TFAP2A: variants seen among roughly 807,000 people sequenced by gnomAD.
TFAP2A encodes the protein transcription factor AP-2-alpha.
A neutral mutation model predicts 41.5 loss-of-function variants in TFAP2A; 7 were observed. The ratio of observed to expected loss-of-function variants is 0.17; its 90% CI spans 0.10 to 0.32. The LOEUF (loss-of-function observed/expected upper bound fraction) is 0.32, where lower values mean the gene tolerates loss of function less well. Ranked by LOEUF, TFAP2A falls within the 10% of genes least tolerant of loss-of-function variation. The probability of loss-of-function intolerance (pLI) is 1.00; values close to 1 mark genes in which losing one functional copy is unlikely to be tolerated. For missense variants in TFAP2A, 416 were observed against 563.3 expected, an observed-to-expected ratio of 0.74 and a Z score of 2.65; for synonymous variants, 247 against 242.8, an observed-to-expected ratio of 1.02 and a Z score of -0.16.
upstream of TFAP2A, among the ~76,000 whole-genome samples, chr6:10,417,836 C>G (rs1758301136): frequency 6.6e-6 from 1 of 152,162 alleles, no homozygotes; most frequent in Non-Finnish European, 1.5e-5. Flanking sequence ...GCCAGGCCCG[C>G]GGCTCCCTCC....
upstream of TFAP2A, among the ~76,000 whole-genome samples, chr6:10,418,929 G>A (rs1758335424): frequency 6.6e-6 from 1 of 152,010 alleles, no homozygotes; most frequent in South Asian, 2.1e-4. Context: ...CCCGAAATCT[G>A]GGGGTACCAA....
upstream of TFAP2A, chr6:10,415,649 C>G (rs976754679): frequency 6.4e-6 from 1 of 156,636 alleles, no homozygotes; most frequent in African/African-American, 2.4e-5. Flanking sequence ...ACGATCCGAG[C>G]TGCCCTTTTG....
Position 10,410,437 on chromosome 6 carries a change from G to A in TFAP2A, c.52-102C>T, listed in dbSNP as rs560764943. The A allele has an allele frequency of 4.8e-6, 6 of 1,246,386 alleles. No individual in the cohort carries two copies. In the Admixed American group the frequency reaches 7.9e-5, roughly 16 times the overall value. The allele number at this position is 1,246,386 out of a possible 1,614,324, so 77.2% of individuals were successfully genotyped here. A position where few individuals can be genotyped will look rare whatever the true frequency, so the allele number is the denominator to read the frequency against. On this transcript the variant is annotated intron_variant, in intron 1 of 6. Coordinates refer to ENST00000379613, the MANE Select transcript of TFAP2A (RefSeq NM_001372066.1). ...GACAAGTCTGCGTGGGAAATCGCCC[G>A]TTCCCGTTGGCTGGCCGCCGGGAAA...
rs1352846328 is a variant in TFAP2A, at chr6:10,402,307, G to A, written c.889+185C>T. On this transcript the variant is annotated intron_variant, in intron 5 of 6. Transcript: ENST00000379613. ...GTAGAGGAAAAGAAGGAAGAAGGAT[G>A]GAGGTATAGGAGTACATGCAAATGT... is the stretch of plus-strand genomic sequence containing the variant. The A allele has an allele frequency of 1.9e-5, 13 of 682,268 alleles. No individual in the cohort carries two copies. The East Asian group carries it at 3.5e-4, about 18-fold the overall frequency. The allele number at this position is 682,268 out of a possible 1,614,324, so 42.3% of individuals were successfully genotyped here. A position where few individuals can be genotyped will look rare whatever the true frequency, so the allele number is the denominator to read the frequency against.
chr6:10,419,178 C>T (rs1234380104), upstream of TFAP2A, among the ~76,000 whole-genome samples: 1 of 152,196 alleles, frequency 6.6e-6, no homozygotes, highest in Non-Finnish European at 1.5e-5. Context: ...GTGCGCCGGA[C>T]TTCCCCGGCG....
At chr6:10,401,089 A>G (rs1235825300) in intron 5 of TFAP2A, among the ~76,000 whole-genome samples, 1 of 152,152 alleles carries the variant, frequency 6.6e-6, no homozygotes, top group Non-Finnish European at 1.5e-5. Flanking sequence ...TGATTTTCGA[A>G]TCTTTGGTTT....
chr6:10,418,811 T>A (rs1758331606), upstream of TFAP2A: 1 of 153,056 alleles, frequency 6.5e-6, no homozygotes, highest in African/African-American at 2.4e-5. Context: ...GGAAGTGGAG[T>A]GAGTTGCTAG....
rs536878759 is a variant in TFAP2A at position 10,398,174 on chromosome 6, G to A, written c.*243C>T. The A allele has an allele frequency of 2.8e-6, 4 of 1,439,550 alleles. No homozygotes were observed. Among genetic ancestry groups the A allele is most frequent in the Admixed American group, 5.4e-5 (2 of 37,370 alleles). The allele number at this position is 1,439,550 out of a possible 1,614,324, so 89.2% of individuals were successfully genotyped here. A position where few individuals can be genotyped will look rare whatever the true frequency, so the allele number is the denominator to read the frequency against. On this transcript the variant is annotated 3_prime_UTR_variant, in exon 7 of 7. Coordinates refer to ENST00000379613, the MANE Select transcript of TFAP2A (RefSeq NM_001372066.1). The surrounding 1 kb of genome is among the most constrained non-coding windows in gnomAD (Gnocchi z 5.3). ...TCTTAGGCTCCACATGAGGGCACAG[G>A]GGTGTGGGAGCGGGTGGGGAGGTCG...
At chr6:10,419,382 C>T (rs1320136676), upstream of TFAP2A, 2 of 1,606,654 alleles carry the variant, frequency 1.2e-6, no homozygotes, top group East Asian at 2.2e-5. Context: ...TCCACCCCTG[C>T]CCACCTCAAC....
rs373225660 is a variant in TFAP2A, at chr6:10,400,440, T to C, written c.1031+8A>G. 43 of 1,614,214 alleles carry C rather than the reference T, an allele frequency of 2.7e-5. No homozygotes were observed. In the African/African-American group the frequency reaches 3.6e-4, roughly 14 times the overall value. ...GACACAGAGACCCCATAGAGGTAAA[T>C]GCCTTACTTTGTAGCCAGGAGCATG... is the stretch of plus-strand genomic sequence containing the variant. On this transcript the variant is annotated splice_region_variant and intron_variant, in intron 6 of 6. Coordinates refer to ENST00000379613, the MANE Select transcript of TFAP2A (RefSeq NM_001372066.1).
intron 2 of TFAP2A, among the ~76,000 whole-genome samples, chr6:10,408,916 C>G (rs1757830889): frequency 6.6e-6 from 1 of 152,178 alleles, no homozygotes; most frequent in Non-Finnish European, 1.5e-5. Context: ...TTTGAAATAG[C>G]ATTTTAGTAA....
chr6:10,411,678 C>T, intron 1 of TFAP2A: 1 of 1,605,888 alleles, frequency 6.2e-7, no homozygotes, highest in Non-Finnish European at 8.5e-7. Flanking sequence ...CGCCCGAGCG[C>T]GCCCCACACA....
intron 1 of TFAP2A, chr6:10,412,145 GGGAGTCTCAGTGTAGCAAATC>G: frequency 1.0e-6 from 1 of 991,258 alleles, no homozygotes; most frequent in Non-Finnish European, 1.2e-6. Flanking sequence ...GTCCATTGAC[GGGAGTCTCAGTGTAGCAAATC>G]GGAGTGGGGA....
rs1437422611 is a variant in TFAP2A, at chr6:10,398,794, A to G, written c.1032-89T>C. 2 of 1,471,926 alleles carry G rather than the reference A, an allele frequency of 1.4e-6. No homozygotes were observed. Among genetic ancestry groups the G allele is most frequent in the Admixed American group, 3.7e-5 (2 of 53,662 alleles). The allele number at this position is 1,471,926 out of a possible 1,614,324, so 91.2% of individuals were successfully genotyped here. On this transcript the variant is annotated intron_variant, in intron 6 of 6. Transcript: ENST00000379613. The surrounding 1 kb of genome is among the most constrained non-coding windows in gnomAD (Gnocchi z 5.3). ...AGAGAAAACCTCCCTCCCTGCAGCT[A>G]CCTCTGCCGGGATCCAGCCGGTACC...
chr6:10,403,958 C>A (rs112817903), intron 4 of TFAP2A, among the ~76,000 whole-genome samples: 5,061 of 152,250 alleles, frequency 0.033, 299 homozygotes, highest in African/African-American at 0.12. Context: ...TGACAGCGAC[C>A]GGAAAGCATG....
chr6:10,412,267 G>A (rs1396513657), intron 1 of TFAP2A: 1 of 987,718 alleles, frequency 1.0e-6, no homozygotes, highest in Non-Finnish European at 1.2e-6. Flanking sequence ...TCACAGGGAA[G>A]GGGCAACATT....
In TFAP2A at chr6:10,406,649, C is replaced by A. The variant is rs1217582758; in HGVS notation, c.538+144G>T. 25 of 725,646 alleles carry A rather than the reference C, an allele frequency of 3.4e-5. No homozygotes were observed. In the East Asian group the frequency reaches 6.6e-4, roughly 19 times the overall value. The allele number at this position is 725,646 out of a possible 1,614,324, so 45.0% of individuals were successfully genotyped here. A position where few individuals can be genotyped will look rare whatever the true frequency, so the allele number is the denominator to read the frequency against. On this transcript the variant is annotated intron_variant, in intron 3 of 6. Transcript: ENST00000379613. ...ACATACTGAAGGCTGATTATTTAAG[C>A]ATTGCTGTTCTGTGCCTATCTATTT...
At chr6:10,400,713 G>T (rs764082811) in intron 5 of TFAP2A, 124 bp from the exon 6 acceptor site, 4 of 1,155,672 alleles carry the variant, frequency 3.5e-6, no homozygotes, top group Non-Finnish European at 5.1e-6. Context: ...CAAACTACTT[G>T]TTTTCTCATT....
chr6:10,419,490 T>G (rs751456302), upstream of TFAP2A: 5 of 1,613,850 alleles, frequency 3.1e-6, no homozygotes, highest in Admixed American at 8.3e-5. Flanking sequence ...CCGCCGGGCA[T>G]GGGCTGGAGG....
Sources: gnomAD v4.1 joint callset for allele counts (sites outside exome capture counted in the v4.1 genomes callset) on GRCh38, gnomAD v4.1.1 for gene constraint, Gnocchi (gnomAD v3.1) non-coding constraint, MANE v1.5 for transcripts, NCBI Gene and HGNC (gene_info 2026-07-23, HGNC 2026-07-21) for gene names.